MCC: variants seen among roughly 807,000 people sequenced by gnomAD.
The protein encoded by MCC is colorectal mutant cancer protein.
A neutral mutation model predicts 116.2 loss-of-function variants in MCC; 90 were observed. That is an observed-to-expected ratio of 0.77 (90% CI 0.65 to 0.92). The LOEUF (loss-of-function observed/expected upper bound fraction) is 0.92. MCC is among the 40% of genes least tolerant of loss of function. The probability of loss-of-function intolerance (pLI) is 0.00; values close to 1 mark genes in which losing one functional copy is unlikely to be tolerated. For missense variants in MCC, 1,516 were observed against 1,312.2 expected, an observed-to-expected ratio of 1.16 and a Z score of -2.40; for synonymous variants, 578 against 510.5, an observed-to-expected ratio of 1.13 and a Z score of -1.78.
chr5:113,144,422 T>A (rs1357165214), intron 4 of MCC, among the ~76,000 whole-genome samples: 6 of 152,230 alleles, frequency 3.9e-5, no homozygotes, highest in Non-Finnish European at 5.9e-5. Context: ...TTTAATTTCA[T>A]CTTCAACAAG....
intron 3 of MCC, among the ~76,000 whole-genome samples, chr5:113,246,056 A>G (rs1459264665): frequency 6.6e-6 from 1 of 152,244 alleles, no homozygotes; most frequent in Non-Finnish European, 1.5e-5. Flanking sequence ...GGAACAAAAA[A>G]GAATAAACTC....
intron 11 of MCC, among the ~76,000 whole-genome samples, chr5:113,076,273 G>C (rs1247970423): frequency 6.6e-6 from 1 of 152,118 alleles, no homozygotes; most frequent in Non-Finnish European, 1.5e-5. Flanking sequence ...AACCTAGCAA[G>C]GCAGACCAAC....
intron 5 of MCC, among the ~76,000 whole-genome samples, chr5:113,132,768 C>A (rs1758539463): frequency 6.6e-6 from 1 of 152,112 alleles, no homozygotes; most frequent in Non-Finnish European, 1.5e-5. Flanking sequence ...TGGAAGGTAT[C>A]CTAGGGATTC....
At chr5:113,153,579 A>G (rs1374457705) in intron 3 of MCC, among the ~76,000 whole-genome samples, 1 of 152,242 alleles carries the variant, frequency 6.6e-6, no homozygotes, top group Admixed American at 6.5e-5. Flanking sequence ...GAAGGTGCCT[A>G]TGTATGAGGT....
In MCC at chr5:113,186,687, C is replaced by T. The variant is rs1240715662; in HGVS notation, c.628-35265G>A. 2.0e-5 allele frequency among the ~76,000 whole-genome samples: 3 copies of T among 152,112 alleles called. No individual in the cohort carries two copies. The South Asian group carries it at 6.2e-4, about 32-fold the overall frequency. ...AAACACATACTAGAGAAAACATCTA[C>T]CTATTAGCCCTGGGATGTCGAAAAA... is the stretch of plus-strand genomic sequence containing the variant. On this transcript the variant is annotated intron_variant, in intron 3 of 18. Transcript: ENST00000408903.
At chr5:113,293,905 T>A (rs1443608733) in intron 3 of MCC, among the ~76,000 whole-genome samples, 1 of 152,090 alleles carries the variant, frequency 6.6e-6, no homozygotes, top group Non-Finnish European at 1.5e-5. Context: ...AATAATCCAA[T>A]GCGTCCCCCT....
At chr5:113,402,863 T>C (rs1256971770) in intron 1 of MCC, among the ~76,000 whole-genome samples, 2 of 152,156 alleles carry the variant, frequency 1.3e-5, no homozygotes, top group African/African-American at 4.8e-5. Flanking sequence ...GGTGCGATCA[T>C]AGTTCACTGC....
intron 6 of MCC, 73 bp from the exon 7 acceptor site, chr5:113,104,428 T>A: frequency 7.2e-7 from 1 of 1,381,394 alleles, no homozygotes; most frequent in Non-Finnish European, 9.8e-7. Context: ...CATGAGGGAC[T>A]CATTCAGGTA....
At chr5:113,385,400 C>T (rs1449197628) in intron 1 of MCC, among the ~76,000 whole-genome samples, 188 bp from the exon 2 acceptor site, 4 of 152,066 alleles carry the variant, frequency 2.6e-5, no homozygotes, top group Non-Finnish European at 4.4e-5. Flanking sequence ...TTATTCTAAA[C>T]AAAAACTCTA....
chr5:113,214,706 T>C (rs1028843328), intron 3 of MCC, among the ~76,000 whole-genome samples: 2 of 152,150 alleles, frequency 1.3e-5, no homozygotes, highest in African/African-American at 4.8e-5. Context: ...CTGCTAATTG[T>C]TCTTACCACT....
intron 3 of MCC, among the ~76,000 whole-genome samples, chr5:113,162,998 C>G (rs1252064524): frequency 6.6e-6 from 1 of 152,156 alleles, no homozygotes; most frequent in Non-Finnish European, 1.5e-5. Flanking sequence ...GTCTGCCTTT[C>G]AACACGTGTA....
intron 3 of MCC, among the ~76,000 whole-genome samples, chr5:113,202,333 T>A (rs1267463269): frequency 6.6e-6 from 1 of 152,096 alleles, no homozygotes; most frequent in Non-Finnish European, 1.5e-5. Flanking sequence ...CTTAAAAAAC[T>A]TGCTTAGGCC....
chr5:113,177,153 C>CCCT (rs778707714), intron 3 of MCC, among the ~76,000 whole-genome samples: 1 of 152,012 alleles, frequency 6.6e-6, no homozygotes, highest in African/African-American at 2.4e-5. Flanking sequence ...CCTAGTGGAC[C>CCCT]CCTCTCCTAT....
intron 15 of MCC, among the ~76,000 whole-genome samples, chr5:113,050,617 G>A (rs1441347411): frequency 6.6e-6 from 1 of 152,234 alleles, no homozygotes; most frequent in Non-Finnish European, 1.5e-5. Flanking sequence ...GCCACGCCCA[G>A]AGCCTTCGGA....
At chr5:113,382,079 G>C (rs1769138297) in intron 2 of MCC, among the ~76,000 whole-genome samples, 1 of 152,154 alleles carries the variant, frequency 6.6e-6, no homozygotes, top group South Asian at 2.1e-4. Context: ...ACTGAAGATG[G>C]TAAGAGTTCA....
At chr5:113,053,231 C>G (rs1169461367) in intron 15 of MCC, among the ~76,000 whole-genome samples, 1 of 152,180 alleles carries the variant, frequency 6.6e-6, no homozygotes, top group Non-Finnish European at 1.5e-5. Flanking sequence ...CTCAACAGCA[C>G]TGTACACCTT....
intron 2 of MCC, among the ~76,000 whole-genome samples, chr5:113,362,308 T>C (rs1390411580): frequency 6.6e-6 from 1 of 152,224 alleles, no homozygotes; most frequent in Admixed American, 6.5e-5. Flanking sequence ...ATTACAGGCA[T>C]GAGCCACTGC....
intron 1 of MCC, among the ~76,000 whole-genome samples, chr5:113,483,000 A>T (rs1772419430): frequency 6.6e-6 from 1 of 152,124 alleles, no homozygotes; most frequent in South Asian, 2.1e-4. Context: ...TCATTTCTCA[A>T]AAAGACTATT....
chr5:113,217,710 T>G (rs746058622), intron 3 of MCC, among the ~76,000 whole-genome samples: 2 of 151,198 alleles, frequency 1.3e-5, no homozygotes, highest in Non-Finnish European at 2.9e-5. Flanking sequence ...GATGCTCCGG[T>G]TGCATGACAT....
Sources: gnomAD v4.1 joint callset for allele counts (sites outside exome capture counted in the v4.1 genomes callset) on GRCh38, gnomAD v4.1.1 for gene constraint, MANE v1.5 for transcripts, NCBI Gene and HGNC (gene_info 2026-07-23, HGNC 2026-07-21) for gene names.